The following CACNA1A variants were observed in gnomAD, a reference collection of about 807,000 sequenced individuals.
CACNA1A encodes the protein calcium voltage-gated channel subunit alpha1 A.
A neutral mutation model predicts 262.4 loss-of-function variants in CACNA1A; 57 were observed. The observed-to-expected ratio is 0.22, with a 90% CI of 0.18 to 0.27. The LOEUF (loss-of-function observed/expected upper bound fraction) is 0.27. Ranked by LOEUF, CACNA1A falls within the 10% of genes least tolerant of loss-of-function variation. The probability of loss-of-function intolerance (pLI) is 1.00; values close to 1 mark genes in which losing one functional copy is unlikely to be tolerated. For missense variants in CACNA1A, 2,526 were observed against 3,562.8 expected, an observed-to-expected ratio of 0.71 and a Z score of 7.41; for synonymous variants, 1,431 against 1,419.3, an observed-to-expected ratio of 1.01 and a Z score of -0.18.
intron 32 of CACNA1A, 36 bp from the exon 33 acceptor site, chr19:13,235,310 G>C: frequency 6.5e-7 from 1 of 1,544,336 alleles, no homozygotes; most frequent in Non-Finnish European, 8.8e-7. Flanking sequence ...AGAGTGCTGG[G>C]GGTCCCTCAG....
Position 13,298,534 on chromosome 19 carries a change from C to A in CACNA1A, c.3089+10G>T. On this transcript the variant is annotated intron_variant, in intron 19 of 46. Coordinates refer to ENST00000360228, the MANE Select transcript of CACNA1A (RefSeq NM_001127222.2). The stretch of plus-strand genomic sequence containing the variant: ...CGTCATTCTGCGGATTCGAGGTCAC[C>A]TCCACTTACTTCCTCCTCCGATGCC... 6.5e-7 allele frequency: 1 copy of A among 1,540,352 alleles called. No individual in the cohort carries two copies. Among genetic ancestry groups the A allele is most frequent in the Non-Finnish European group, 8.8e-7 (1 of 1,141,116 alleles).
intron 6 of CACNA1A, among the ~76,000 whole-genome samples, chr19:13,354,974 A>G (rs2058983985): frequency 6.7e-6 from 1 of 149,600 alleles, no homozygotes. Context: ...TCCCGGGTTC[A>G]AGTGATTCTC....
intron 3 of CACNA1A, among the ~76,000 whole-genome samples, chr19:13,401,473 T>C (rs2059899424): frequency 6.6e-6 from 1 of 152,190 alleles, no homozygotes; most frequent in South Asian, 2.1e-4. Context: ...ACTGAATCCC[T>C]GGTGCAAACA....
chr19:13,212,492 G>A lies in CACNA1A; in HGVS notation c.6081C>T (p.Ser2027=). The change falls in exon 42 of 47, where the codon AGC becomes AGT. Residue 2027 remains serine (S), a synonymous_variant. Coordinates refer to ENST00000360228, the MANE Select transcript of CACNA1A (RefSeq NM_001127222.2). This position sits in a 1 kb window ranked among gnomAD's most constrained non-coding sequence, Gnocchi z 5.6. ...LMAHESGLKE[S]PSWVTQRAQE... The stretch of plus-strand genomic sequence containing the variant: ...GGGCACGCTGGGTCACCCAGGACGG[G>A]CTCTCCTTGAGGCCGCTTTCGTGAG... 1.3e-6 allele frequency: 2 copies of A among 1,587,874 alleles called. No individual in the cohort carries two copies. The highest frequency in any genetic ancestry group is 1.8e-5 in the Admixed American group (1 of 54,904).
At chr19:13,430,169 G>A (rs561205335) in intron 3 of CACNA1A, among the ~76,000 whole-genome samples, 74 of 151,020 alleles carry the variant, frequency 4.9e-4, no homozygotes, top group Admixed American at 2.2e-3. Flanking sequence ...TTAAAAAATG[G>A]TACATTTTAT....
chr19:13,368,627 G>T (rs1174604225), intron 4 of CACNA1A, among the ~76,000 whole-genome samples: 1 of 152,190 alleles, frequency 6.6e-6, no homozygotes, highest in African/African-American at 2.4e-5. Context: ...ATAGCCTGAG[G>T]CTTTGCTTCT....
chr19:13,228,119 G>C (rs1002594964), intron 36 of CACNA1A, among the ~76,000 whole-genome samples: 1 of 151,934 alleles, frequency 6.6e-6, no homozygotes, highest in Admixed American at 6.6e-5. Context: ...TGTTGCCCAG[G>C]CTGGTCTCAA....
rs182482098 is a variant in CACNA1A, at chr19:13,223,227, T to C, written c.5731+1440A>G. Among the ~76,000 whole-genome samples the C allele has an allele frequency of 1.1e-3, 166 of 152,090 alleles. 2 individuals are homozygous for C. The East Asian group carries it at 0.03, about 28-fold the overall frequency. ...TTTAATTTTTGAGACAGAGTCTTGC[T>C]CTGTCACCCAGGCTGTAGTGCAGTG... On this transcript the variant is annotated intron_variant, in intron 38 of 46. Coordinates refer to ENST00000360228, the MANE Select transcript of CACNA1A (RefSeq NM_001127222.2).
chr19:13,490,736 A>AAAG (rs1568700871), intron 1 of CACNA1A, among the ~76,000 whole-genome samples: 19 of 139,296 alleles, frequency 1.4e-4, no homozygotes, highest in African/African-American at 4.3e-4. Context: ...AAAGAAAGAG[A>AAAG]AAAGAAAGAA....
At position 13,208,900 on chromosome 19, in the gene CACNA1A, G is replaced by C. The variant is rs1379281681; in HGVS notation, c.6636C>G (p.His2212Gln). 6.5e-7 allele frequency: 1 copy of C among 1,536,468 alleles called. No individual in the cohort carries two copies. Among genetic ancestry groups the C allele is most frequent in the African/African-American group, 1.4e-5 (1 of 73,098 alleles). Residue 2212 changes from histidine to glutamine, a missense_variant, in exon 46 of 47, where the codon CAC becomes CAG. By Grantham distance (24) the His-to-Gln change is conservative. Transcript: ENST00000360228. ...GGGGATGGTGGTGGTGGTGGTGGTG[G>C]TGGTGGTGCTGTCGATGCTTCCGAT... The part of the protein sequence containing the change: ...PKDRKHRQHH[H>Q]HHHHHHHPPP...
At chr19:13,302,211 A>G (rs976357484) in intron 17 of CACNA1A, among the ~76,000 whole-genome samples, 9 of 151,176 alleles carry the variant, frequency 6.0e-5, no homozygotes, top group African/African-American at 1.7e-4. Flanking sequence ...TAAAATTCCA[A>G]CTCTCCCTGA....
rs1302528777 is a variant in CACNA1A, at chr19:13,296,636, C to T, written c.3089+1908G>A. Among the ~76,000 whole-genome samples the T allele has an allele frequency of 2.0e-5, 3 of 152,342 alleles. No homozygotes were observed. In the East Asian group the frequency reaches 5.8e-4, roughly 29 times the overall value. On this transcript the variant is annotated intron_variant, in intron 19 of 46. Transcript: ENST00000360228. ...ACTCCGGGGCTCAAGTGGATCCTCC[C>T]ACCTTGGCCTCCCAAAGTGCTGGGA... is the stretch of plus-strand genomic sequence containing the variant.
In CACNA1A at chr19:13,283,360, G is replaced by C. The variant is rs1446222234; in HGVS notation, c.3729C>G (p.Arg1243=). 6.2e-7 allele frequency: 1 copy of C among 1,614,000 alleles called. No homozygotes were observed. Among genetic ancestry groups the C allele is most frequent in the Non-Finnish European group, 8.5e-7 (1 of 1,179,886 alleles). The part of the protein sequence containing the change: ...RRLCHYILNL[R]YFEMCILMVI... ...CCATGAGGATGCACATCTCAAAGTA[G>C]CGCAGGTTCAGGATGTAATGGCACA... Residue 1243 remains arginine, a synonymous_variant, in exon 22 of 47, where the codon CGC becomes CGG. Transcript: ENST00000360228.
chr19:13,404,117 C>A (rs929876605), intron 3 of CACNA1A, among the ~76,000 whole-genome samples: 1 of 152,024 alleles, frequency 6.6e-6, no homozygotes, highest in Non-Finnish European at 1.5e-5. Context: ...AATACATTGA[C>A]ATTTGTAAAG....
chr19:13,231,942 G>A lies in CACNA1A; in HGVS notation c.5250-82C>T, dbSNP rs538609311. 761 of 1,440,816 alleles carry A rather than the reference G, an allele frequency of 5.3e-4. 1 individual carries two copies. The highest frequency in any genetic ancestry group is 6.5e-4 in the Non-Finnish European group (686 of 1,056,030). The allele number at this position is 1,440,816 out of a possible 1,614,324, so 89.3% of individuals were successfully genotyped here. On this transcript the variant is annotated intron_variant, in intron 34 of 46. Transcript: ENST00000360228. The stretch of plus-strand genomic sequence containing the variant: ...CCTCCCCAGGAGGTGGAGCACACAC[G>A]TTGAGCACTTGGGCTCTGGAGCTGG...
chr19:13,212,795 G>A lies in CACNA1A; in HGVS notation c.5941-55C>T, dbSNP rs1019204843. On this transcript the variant is annotated intron_variant, in intron 40 of 46. Coordinates refer to ENST00000360228, the MANE Select transcript of CACNA1A (RefSeq NM_001127222.2). The surrounding 1 kb of genome is among the most constrained non-coding windows in gnomAD (Gnocchi z 5.6). ...GACAAGGGTGGGGTGGTGGGACGGT[G>A]GTACCCAGAAGGCATTGCGACATCC... 10 of 858,314 alleles carry A rather than the reference G, an allele frequency of 1.2e-5. No homozygotes were observed. Among genetic ancestry groups the A allele is most frequent in the Non-Finnish European group, 1.6e-5 (9 of 567,508 alleles). 53.2% of individuals were successfully genotyped at this position (858,314 alleles called of 1,614,324 possible). A position where few individuals can be genotyped will look rare whatever the true frequency, so the allele number is the denominator to read the frequency against.
At chr19:13,347,056 T>TTTGG (rs2058801306) in intron 6 of CACNA1A, among the ~76,000 whole-genome samples, 1 of 58,192 alleles carries the variant, frequency 1.7e-5, no homozygotes, top group East Asian at 0.062. Context: ...GTCTGTTTTT[T>TTTGG]TTGTTTTTTT....
intron 3 of CACNA1A, among the ~76,000 whole-genome samples, chr19:13,441,027 G>A (rs1367936363): frequency 1.3e-5 from 2 of 152,100 alleles, no homozygotes; most frequent in Non-Finnish European, 2.9e-5. Context: ...TGCCCAGAAT[G>A]GCCTTGAACT....
chr19:13,312,110 T>C (rs1206975785), intron 12 of CACNA1A, among the ~76,000 whole-genome samples: 1 of 152,204 alleles, frequency 6.6e-6, no homozygotes, highest in Non-Finnish European at 1.5e-5. Flanking sequence ...ATGAGAAGGA[T>C]TGGACGTAGA....
Sources: gnomAD v4.1 joint callset for allele counts (sites outside exome capture counted in the v4.1 genomes callset) on GRCh38, gnomAD v4.1.1 for gene constraint, Gnocchi (gnomAD v3.1) non-coding constraint, MANE v1.5 for transcripts, NCBI Gene and HGNC (gene_info 2026-07-23, HGNC 2026-07-21) for gene names.